The following SEL1L2 variants were observed in gnomAD, a reference collection of about 807,000 sequenced individuals.
SEL1L2 encodes protein sel-1 homolog 2.
SEL1L2 carries 89 observed loss-of-function variants against 98.8 expected under a neutral mutation model. That is an observed-to-expected ratio of 0.90 (90% CI 0.76 to 1.07). SEL1L2 has a LOEUF of 1.07. Ranked by LOEUF, SEL1L2 falls within the 50% of genes least tolerant of loss-of-function variation. SEL1L2 has a pLI of 0.00. For synonymous variants in SEL1L2, 262 were observed against 278.5 expected (o/e 0.94, Z 0.59); for missense variants, 788 against 812.0 (o/e 0.97, Z 0.36).
intron 1 of SEL1L2, among the ~76,000 whole-genome samples, chr20:13,971,047 T>C (rs912536634): frequency 2.6e-5 from 4 of 151,944 alleles, no homozygotes; most frequent in African/African-American, 9.7e-5. Context: ...CAGTTAACCA[T>C]CTTTTCACAT....
chr20:13,857,239 A>G (rs1167696056), intron 18 of SEL1L2, among the ~76,000 whole-genome samples: 1 of 149,168 alleles, frequency 6.7e-6, no homozygotes, highest in Non-Finnish European at 1.5e-5. Flanking sequence ...TTTCTGTAGG[A>G]AAAAAAAAAT....
intron 4 of SEL1L2, among the ~76,000 whole-genome samples, chr20:13,915,745 C>G (rs1355868203): frequency 6.6e-6 from 1 of 152,160 alleles, no homozygotes; most frequent in Non-Finnish European, 1.5e-5. Flanking sequence ...GAAGCAGTAT[C>G]CAGGGCTGGA....
intron 1 of SEL1L2, among the ~76,000 whole-genome samples, 174 bp from the exon 2 acceptor site, chr20:13,956,305 A>G (rs1241788443): frequency 1.3e-5 from 2 of 152,274 alleles, no homozygotes; most frequent in East Asian, 3.9e-4. Context: ...TAATTCCTTC[A>G]CTGATAATTT....
Position 13,849,881 on chromosome 20 carries a change from G to A in SEL1L2, c.1948-277C>T, listed in dbSNP as rs559513906. The A allele has an allele frequency of 4.5e-4, 244 of 540,584 alleles. 2 individuals carry two copies. The South Asian group carries it at 4.9e-3, about 11-fold the overall frequency. 33.5% of individuals were successfully genotyped at this position (540,584 alleles called of 1,614,324 possible). A position where few individuals can be genotyped will look rare whatever the true frequency, so the allele number is the denominator to read the frequency against. On this transcript the variant is annotated intron_variant, in intron 19 of 19. Coordinates refer to ENST00000284951, the MANE Select transcript of SEL1L2 (RefSeq NM_025229.2). ...CACCTGCCGTCTGCCTACCAGTCTC[G>A]GCTATTGATGGTAAGAACTGTTTTG...
chr20:13,904,394 G>A (rs2047824821), intron 5 of SEL1L2, among the ~76,000 whole-genome samples: 1 of 152,050 alleles, frequency 6.6e-6, no homozygotes, highest in Non-Finnish European at 1.5e-5. Context: ...TGGCTGTGGT[G>A]GTGTGAGCCT....
chr20:13,906,867 C>T (rs950401994), intron 5 of SEL1L2, among the ~76,000 whole-genome samples: 13 of 151,940 alleles, frequency 8.6e-5, no homozygotes, highest in African/African-American at 2.7e-4. Context: ...TTAGTAGAGA[C>T]GGAGGTTCAC....
chr20:13,866,077 T>C (rs1036764639), intron 15 of SEL1L2, among the ~76,000 whole-genome samples: 1 of 152,164 alleles, frequency 6.6e-6, no homozygotes, highest in Non-Finnish European at 1.5e-5. Context: ...ATTAGGAAGT[T>C]GGCAAAGGAG....
rs566103079 is a variant in SEL1L2, at chr20:13,906,604, T to TAAAAATAATTTTTTTTTCTGTATTAGC, written c.549+7151_549+7177dup. 8.5e-4 allele frequency among the ~76,000 whole-genome samples: 130 copies of TAAAAATAATTTTTTTTTCTGTATTAGC among 152,318 alleles called. No homozygotes were observed. The East Asian group carries it at 0.017, about 20-fold the overall frequency. On this transcript the variant is annotated intron_variant, in intron 5 of 19. Transcript: ENST00000284951. ...ATCAAAATGATCATTAGGTGGATAC[T>TAAAAATAATTTTTTTTTCTGTATTAGC]AAAAATAATTTTTTTTTCTGTATTA...
intron 4 of SEL1L2, among the ~76,000 whole-genome samples, chr20:13,918,234 T>C (rs1007681354): frequency 1.3e-5 from 2 of 152,188 alleles, no homozygotes; most frequent in Non-Finnish European, 2.9e-5. Flanking sequence ...TTGTAAGAGC[T>C]TGATTGCATT....
chr20:13,875,330 C>G (rs1000602528), intron 12 of SEL1L2, among the ~76,000 whole-genome samples: 3 of 152,196 alleles, frequency 2.0e-5, no homozygotes, highest in Non-Finnish European at 2.9e-5. Flanking sequence ...GTCTCAAACT[C>G]CTGAGCTCAA....
rs1321998923 is a variant in SEL1L2 at position 13,922,128 on chromosome 20, C to A, written c.284-3005G>T. 2.0e-5 allele frequency among the ~76,000 whole-genome samples: 3 copies of A among 152,054 alleles called. No individual in the cohort carries two copies. In the South Asian group the frequency reaches 6.2e-4, roughly 32 times the overall value. ...AAGGTTTTTGAAAATGAATTAAGTC[C>A]TTGTACCAAATATACAATAATGCAT... On this transcript the variant is annotated intron_variant, in intron 3 of 19. Transcript: ENST00000284951.
upstream of SEL1L2, among the ~76,000 whole-genome samples, chr20:13,994,540 A>G (rs1056300965): frequency 2.6e-5 from 4 of 152,160 alleles, no homozygotes; most frequent in African/African-American, 9.7e-5. Flanking sequence ...CATCCACTCA[A>G]TTAGCCTTGA....
At chr20:13,990,419 G>A (rs1193292695) in intron 1 of SEL1L2, 58 bp downstream of exon 1, 24 of 1,205,656 alleles carry the variant, frequency 2.0e-5, no homozygotes, top group Non-Finnish European at 2.8e-5. Flanking sequence ...TGCCCTTGGC[G>A]CTGTTTGAGC....
chr20:13,940,249 G>A (rs1416671963), intron 2 of SEL1L2, among the ~76,000 whole-genome samples: 1 of 152,124 alleles, frequency 6.6e-6, no homozygotes, highest in African/African-American at 2.4e-5. Flanking sequence ...ATTTTGATTG[G>A]GTGTCCAAGA....
intron 3 of SEL1L2, among the ~76,000 whole-genome samples, chr20:13,921,546 G>A (rs763655026): frequency 4.6e-5 from 7 of 151,984 alleles, no homozygotes; most frequent in Non-Finnish European, 8.8e-5. Flanking sequence ...GTCCAGGGCC[G>A]GGCGCAGAAA....
intron 9 of SEL1L2, 128 bp downstream of exon 9, chr20:13,886,160 A>T (rs942121664): frequency 9.3e-6 from 5 of 540,432 alleles, no homozygotes; most frequent in Admixed American, 7.5e-5. Flanking sequence ...GTAGGGTGAG[A>T]GAGGAGGGCG....
intron 1 of SEL1L2, among the ~76,000 whole-genome samples, chr20:13,962,813 C>A (rs2050840410): frequency 6.6e-6 from 1 of 152,076 alleles, no homozygotes; most frequent in Non-Finnish European, 1.5e-5. Flanking sequence ...TGCCTGTAAT[C>A]CCAGCACTTT....
chr20:13,872,634 G>A (rs919191587), intron 12 of SEL1L2, among the ~76,000 whole-genome samples: 1 of 152,158 alleles, frequency 6.6e-6, no homozygotes, highest in African/African-American at 2.4e-5. Flanking sequence ...TGAAAGGAGG[G>A]AAGGAAGAAG....
At chr20:13,937,605 T>C (rs929269522) in intron 2 of SEL1L2, among the ~76,000 whole-genome samples, 4 of 152,230 alleles carry the variant, frequency 2.6e-5, no homozygotes, top group Non-Finnish European at 4.4e-5. Context: ...GACAAGAACC[T>C]GGGTTTTAGC....
Sources: allele counts gnomAD v4.1 joint callset (sites outside exome capture counted in the v4.1 genomes callset), GRCh38; gene constraint gnomAD v4.1.1; transcripts MANE v1.5; gene names NCBI Gene and HGNC (gene_info 2026-07-23, HGNC 2026-07-21).